PEX16: variants seen among roughly 807,000 people sequenced by gnomAD.
The protein encoded by PEX16 is peroxisomal biogenesis factor 16, also known as peroxin 16.
Under a neutral mutation model 50.5 loss-of-function variants are expected in PEX16, and 37 were observed. The observed-to-expected ratio is 0.73, with a 90% CI of 0.56 to 0.96. The LOEUF is 0.96. PEX16 is among the 40% of genes least tolerant of loss of function. The pLI is 0.00. For missense variants in PEX16, 401 were observed against 438.3 expected (o/e 0.91, Z 0.76); for synonymous variants, 185 against 190.3 (o/e 0.97, Z 0.23).
At chr11:45,918,420 A>C, upstream of PEX16, 1 of 174,582 alleles carries the variant, frequency 5.7e-6, no homozygotes, top group Non-Finnish European at 1.3e-5. Flanking sequence ...GTGCTGGGGA[A>C]ACTGAGGCAG....
rs2134691628 is a variant in PEX16 at position 45,913,819 on chromosome 11, T to C, written c.887A>G (p.Glu296Gly). 24 of 1,613,992 alleles carry C rather than the reference T, an allele frequency of 1.5e-5. No individual in the cohort carries two copies. The highest frequency in any genetic ancestry group is 1.8e-5 in the Non-Finnish European group (21 of 1,179,992). Residue 296 changes from glutamate to glycine, a missense_variant and splice_region_variant, in exon 9 of 11, where the codon GAG becomes GGG. Physicochemically the swap from Glu to Gly is moderately conservative, Grantham distance 98. Coordinates refer to ENST00000378750, the MANE Select transcript of PEX16 (RefSeq NM_004813.4). The part of the protein sequence containing the change: ...LRSPFYDRFS[E>G]ARILFLLQLL... ...GGCTCAGGGTGTCCTGGGTGCTTAC[T>C]CGGAGAAGCGGTCATAGAAAGGAGA...
intron 10 of PEX16, among the ~76,000 whole-genome samples, chr11:45,910,540 C>T (rs1318833847): frequency 6.6e-6 from 1 of 152,224 alleles, no homozygotes; most frequent in African/African-American, 2.4e-5. Context: ...TCCAGTCACC[C>T]AACCCAAGCC....
At chr11:45,913,506 G>A (rs570491348) in intron 9 of PEX16, among the ~76,000 whole-genome samples, 1 of 152,022 alleles carries the variant, frequency 6.6e-6, no homozygotes, top group Non-Finnish European at 1.5e-5. Flanking sequence ...TTGGCAGGAA[G>A]AAGTGGAAAT....
intron 6 of PEX16, 44 bp downstream of exon 6, chr11:45,914,560 C>G (rs573492839): frequency 2.5e-6 from 4 of 1,612,518 alleles, no homozygotes; most frequent in Admixed American, 1.7e-5. Context: ...CAAGCCCAGG[C>G]AGACAGCACC....
chr11:45,915,834 C>A lies in PEX16; in HGVS notation c.228G>T (p.Ser76=), dbSNP rs575713359. 6.2e-7 allele frequency: 1 copy of A among 1,613,634 alleles called. No individual in the cohort carries two copies. The highest frequency in any genetic ancestry group is 1.1e-5 in the South Asian group (1 of 91,070). Residue 76 remains serine, a splice_region_variant and synonymous_variant, in exon 4 of 11, where the codon TCG becomes TCT. Coordinates refer to ENST00000378750, the MANE Select transcript of PEX16 (RefSeq NM_004813.4). ...ATGTCAGCAGCTTCTGCTGGGACAG[C>A]GACTGCAAGAACCCCAGGCCAAGAA... ...RKELRKKLPV[S]LSQQKLLTWL... is the part of the protein sequence containing the mutation.
At chr11:45,910,616 C>A (rs1056916657) in intron 10 of PEX16, among the ~76,000 whole-genome samples, 8 of 152,308 alleles carry the variant, frequency 5.3e-5, no homozygotes, top group Non-Finnish European at 1.0e-4. Context: ...ATTGAATCCC[C>A]CCAAGATGAG....
In PEX16 at chr11:45,915,550, G is replaced by A. The variant is rs2086825074; in HGVS notation, c.378C>T (p.Leu126=). 1 of 1,614,050 alleles carries A rather than the reference G, an allele frequency of 6.2e-7. No individual in the cohort carries two copies. Among genetic ancestry groups the A allele is most frequent in the Non-Finnish European group, 8.5e-7 (1 of 1,180,042 alleles). The change falls in exon 5 of 11, where the codon CTC becomes CTT. Residue 126 remains leucine (L), a synonymous_variant. Coordinates refer to ENST00000378750, the MANE Select transcript of PEX16 (RefSeq NM_004813.4). Reference sequence around the variant, plus strand: ...GGCCAGCCTTGAACCAGAGCAGCAGGAGCATCCGCAGTACAGCCCTGGGTC... The same window carrying A: ...GGCCAGCCTTGAACCAGAGCAGCAGAAGCATCCGCAGTACAGCCCTGGGTC... ...VQLAKAVLRM[L]LLLWFKAGLQ...
intron 9 of PEX16, among the ~76,000 whole-genome samples, chr11:45,913,572 T>C (rs1440392301): frequency 6.6e-6 from 1 of 152,244 alleles, no homozygotes; most frequent in African/African-American, 2.4e-5. Flanking sequence ...CACCTGGCAA[T>C]GCCCTCAGCC....
Position 45,910,898 on chromosome 11 carries a change from T to C in PEX16, c.952A>G (p.Arg318Gly). 1 of 1,613,474 alleles carries C rather than the reference T, an allele frequency of 6.2e-7. No individual in the cohort carries two copies. The highest frequency in any genetic ancestry group is 8.5e-7 in the Non-Finnish European group (1 of 1,179,860). Residue 318 changes from arginine to glycine, a missense_variant and splice_region_variant, in exon 10 of 11, where the codon AGG becomes GGG. By Grantham distance (125) the Arg-to-Gly change is moderately radical (BLOSUM62 -2). Transcript: ENST00000378750. ...DHVPGVGLVT[R>G]PLMDYLPTWQ... is the part of the protein sequence containing the mutation. ...TCATCGCGTCCCCATCCCTGCTTACTTGTGACCAGGCCAACGCCAGGGACG... is the reference window on the plus strand; with the variant it reads ...TCATCGCGTCCCCATCCCTGCTTACCTGTGACCAGGCCAACGCCAGGGACG...
Position 45,909,798 on chromosome 11 carries a change from A to C in PEX16, c.*456T>G. The C allele has an allele frequency of 4.1e-6, 2 of 488,656 alleles. No individual in the cohort carries two copies. Among genetic ancestry groups the C allele is most frequent in the East Asian group, 7.1e-5 (2 of 27,982 alleles). 30.3% of individuals were successfully genotyped at this position (488,656 alleles called of 1,614,324 possible). On this transcript the variant is annotated 3_prime_UTR_variant, in exon 11 of 11. Coordinates refer to ENST00000378750, the MANE Select transcript of PEX16 (RefSeq NM_004813.4). ...GGCAACGCCATGGCCTGGGGCTGCC[A>C]GAGCCACAGGGCCCTGCGGAGAAGG...
chr11:45,916,157 A>G, intron 3 of PEX16, 70 bp downstream of exon 3: 10 of 1,142,162 alleles, frequency 8.8e-6, no homozygotes, highest in South Asian at 1.2e-5. Context: ...TGCTGCACGC[A>G]TGGGCTAGCT....
At position 45,909,860 on chromosome 11, in the gene PEX16, C is replaced by T; in HGVS notation, c.*394G>A. ...GGCCCCAGCCAGAAGACACGCTGGG[C>T]AGCGTTCAGCCATCACCCGGGTTCA... is the stretch of plus-strand genomic sequence containing the variant. On this transcript the variant is annotated 3_prime_UTR_variant, in exon 11 of 11. Transcript: ENST00000378750. The T allele has an allele frequency of 1.7e-6, 1 of 579,604 alleles. No individual in the cohort carries two copies. The allele number at this position is 579,604 out of a possible 1,614,324, so 35.9% of individuals were successfully genotyped here. A position where few individuals can be genotyped will look rare whatever the true frequency, so the allele number is the denominator to read the frequency against.
intron 9 of PEX16, 151 bp downstream of exon 9, chr11:45,913,668 G>A (rs2086800277): frequency 2.4e-6 from 2 of 847,340 alleles, no homozygotes; most frequent in Non-Finnish European, 3.8e-6. Flanking sequence ...GGGCGGGACT[G>A]GGCTGGCATC....
At chr11:45,918,159 C>T (rs1454263590), upstream of PEX16, 3 of 411,830 alleles carry the variant, frequency 7.3e-6, no homozygotes, top group East Asian at 5.3e-5. Context: ...GTTAAAGCTC[C>T]GGTAAAGCCG....
Position 45,915,782 on chromosome 11 carries a change from C to A in PEX16, c.280G>T (p.Val94Leu). ...TWLSVLECVEVFMEMGAAKVW... is the reference protein window; with the variant it reads ...TWLSVLECVELFMEMGAAKVW... ...TTGGCAGCTCCCATCTCCATGAACA[C>A]CTCCACGCACTCCAGCACGCTCAGC... Residue 94 changes from valine (V) to leucine (L), a missense_variant, in exon 4 of 11, where the codon GTG becomes TTG. Transcript: ENST00000378750. 1 of 1,613,898 alleles carries A rather than the reference C, an allele frequency of 6.2e-7. No individual in the cohort carries two copies. The highest frequency in any genetic ancestry group is 8.5e-7 in the Non-Finnish European group (1 of 1,179,930).
rs574691369 is a variant in PEX16, at chr11:45,917,553, G to A, written c.113-60C>T. 5.0e-6 allele frequency: 8 copies of A among 1,599,070 alleles called. No homozygotes were observed. The South Asian group carries it at 6.6e-5, about 13-fold the overall frequency. On this transcript the variant is annotated intron_variant, in intron 1 of 10. Coordinates refer to ENST00000378750, the MANE Select transcript of PEX16 (RefSeq NM_004813.4). ...CATCTGCCTCACATTTCGTCTTCGG[G>A]TCCCGGAAATCCCCTCCCTACGCCC...
chr11:45,917,954 A>G, upstream of PEX16: 1 of 713,226 alleles, frequency 1.4e-6, no homozygotes, highest in Non-Finnish European at 2.5e-6. Context: ...TGAGGACTTG[A>G]AGAACCGGTG....
chr11:45,910,046 G>C lies in PEX16; in HGVS notation c.*208C>G, dbSNP rs778107872. The C allele has an allele frequency of 1.9e-6, 3 of 1,547,940 alleles. No individual in the cohort carries two copies. The South Asian group carries it at 3.3e-5, about 17-fold the overall frequency. ...AGTGAAGGCTTCTTGGCCCAGCAGT[G>C]ACAAGGTGCGGGCTGCAGTGGCATC... is the stretch of plus-strand genomic sequence containing the variant. On this transcript the variant is annotated 3_prime_UTR_variant, in exon 11 of 11. Transcript: ENST00000378750.
chr11:45,912,227 G>T (rs747246386), intron 9 of PEX16, among the ~76,000 whole-genome samples: 1 of 152,076 alleles, frequency 6.6e-6, no homozygotes. Context: ...GGCCAGGCGC[G>T]GTGGCTCACG....
Sources: allele counts gnomAD v4.1 joint callset (sites outside exome capture counted in the v4.1 genomes callset), GRCh38; gene constraint gnomAD v4.1.1; transcripts MANE v1.5; gene names NCBI Gene and HGNC (gene_info 2026-07-23, HGNC 2026-07-21).